XKR6: variants seen among roughly 807,000 people sequenced by gnomAD.
XKR6 encodes XK related 6.
Under a neutral mutation model 56.7 loss-of-function variants are expected in XKR6, and 22 were observed. The ratio of observed to expected loss-of-function variants is 0.39; its 90% CI spans 0.28 to 0.55. XKR6 has a LOEUF of 0.55. Among genes scored for constraint, XKR6 ranks in the 20% least tolerant of loss-of-function variants. XKR6 has a pLI of 0.66. For missense variants in XKR6, 852 were observed against 889.0 expected (o/e 0.96, Z 0.53); for synonymous variants, 524 against 387.8 (o/e 1.35, Z -4.13).
Position 11,003,992 on chromosome 8 carries a change from G to A in XKR6, c.765-79162C>T, listed in dbSNP as rs376252568. Among the ~76,000 whole-genome samples the A allele has an allele frequency of 3.0e-4, 45 of 152,266 alleles. No homozygotes were observed. The East Asian group carries it at 8.1e-3, about 27-fold the overall frequency. On this transcript the variant is annotated intron_variant, in intron 1 of 2. Transcript: ENST00000416569. ...AAGCAGAGAGTGGCGAAGGAAGGGC[G>A]GGTGGCTGTGGAGTAGTGGGTCCTG...
intron 1 of XKR6, among the ~76,000 whole-genome samples, chr8:11,130,323 G>C (rs908379089): frequency 1.3e-5 from 2 of 152,016 alleles, no homozygotes; most frequent in Non-Finnish European, 2.9e-5. Context: ...ATCTAAGTTC[G>C]GGATTTTTAC....
intron 1 of XKR6, among the ~76,000 whole-genome samples, chr8:10,927,255 C>T (rs953490362): frequency 2.0e-5 from 3 of 152,112 alleles, no homozygotes; most frequent in Admixed American, 6.5e-5. Flanking sequence ...AGCACCGAGG[C>T]AGGGCTGCGT....
chr8:10,995,801 G>T (rs1586407814), intron 1 of XKR6, among the ~76,000 whole-genome samples: 2 of 152,126 alleles, frequency 1.3e-5, no homozygotes, highest in South Asian at 2.1e-4. Context: ...AGTAAATGGA[G>T]GAAAAGGAGA....
intron 1 of XKR6, among the ~76,000 whole-genome samples, chr8:11,076,382 T>A (rs180891508): frequency 6.6e-6 from 1 of 152,300 alleles, no homozygotes; most frequent in East Asian, 1.9e-4. Flanking sequence ...TTTTATATTA[T>A]GCATATTTTA....
intron 1 of XKR6, among the ~76,000 whole-genome samples, chr8:11,006,184 G>C (rs995242244): frequency 6.6e-6 from 1 of 152,272 alleles, no homozygotes; most frequent in African/African-American, 2.4e-5. Flanking sequence ...AAAAATAAGA[G>C]ATTAATTGGT....
chr8:11,123,008 G>A (rs1300080557), intron 1 of XKR6, among the ~76,000 whole-genome samples: 4 of 151,980 alleles, frequency 2.6e-5, no homozygotes, highest in African/African-American at 9.7e-5. Flanking sequence ...AGGCCGAGGT[G>A]GGTGGATCAC....
intron 1 of XKR6, among the ~76,000 whole-genome samples, chr8:10,996,071 T>C (rs867294658): frequency 6.6e-6 from 1 of 150,678 alleles, no homozygotes; most frequent in Admixed American, 6.6e-5. Flanking sequence ...CAGATTCATA[T>C]AGATATAAAT....
At chr8:11,099,969 G>C (rs969675751) in intron 1 of XKR6, among the ~76,000 whole-genome samples, 1 of 152,172 alleles carries the variant, frequency 6.6e-6, no homozygotes, top group African/African-American at 2.4e-5. Flanking sequence ...CCTGAGGCAC[G>C]GGGGAGTAGG....
intron 1 of XKR6, among the ~76,000 whole-genome samples, chr8:11,004,402 G>A (rs1449522383): frequency 6.6e-6 from 1 of 152,168 alleles, no homozygotes; most frequent in Non-Finnish European, 1.5e-5. Context: ...AACCCAGGAG[G>A]CGGAGGTTGC....
rs781375847 is a variant in XKR6 at position 11,114,727 on chromosome 8, A to ATATGTG, written c.764+85848_764+85849insCACATA. ...ATGAAGTCAGCTACTTAGATCACAT[A>ATATGTG]TGTGTGTGTGTGTGTGTGTGTGTGT... is the stretch of plus-strand genomic sequence containing the variant. On this transcript the variant is annotated intron_variant, in intron 1 of 2. Coordinates refer to ENST00000416569, the MANE Select transcript of XKR6 (RefSeq NM_173683.4). Among the ~76,000 whole-genome samples the ATATGTG allele has an allele frequency of 1.5e-4, 18 of 118,364 alleles. 1 individual carries two copies. Among genetic ancestry groups the ATATGTG allele is most frequent in the Non-Finnish European group, 2.7e-4 (13 of 48,092 alleles). The allele number at this position is 118,364 out of a possible 152,430, so 77.7% of individuals were successfully genotyped here.
At chr8:11,065,978 A>G (rs1178271160) in intron 1 of XKR6, among the ~76,000 whole-genome samples, 1 of 152,216 alleles carries the variant, frequency 6.6e-6, no homozygotes, top group East Asian at 1.9e-4. Flanking sequence ...CCAGCTATAA[A>G]ATGGCAAAGG....
At chr8:11,096,706 G>C (rs1322938940) in intron 1 of XKR6, among the ~76,000 whole-genome samples, 3 of 152,210 alleles carry the variant, frequency 2.0e-5, no homozygotes, top group African/African-American at 7.2e-5. Context: ...ATCAACCCAG[G>C]ACAGGCAGGC....
chr8:10,922,508 A>T (rs1041568226), intron 2 of XKR6, among the ~76,000 whole-genome samples: 4 of 152,232 alleles, frequency 2.6e-5, no homozygotes, highest in Non-Finnish European at 4.4e-5. Flanking sequence ...GCGCATTTCA[A>T]AGACATCCCT....
At chr8:11,039,564 G>T (rs893497215) in intron 1 of XKR6, among the ~76,000 whole-genome samples, 1 of 152,198 alleles carries the variant, frequency 6.6e-6, no homozygotes, top group Admixed American at 6.5e-5. Context: ...AAAGAACTTG[G>T]AACAGAGACA....
chr8:10,975,501 C>T lies in XKR6; in HGVS notation c.765-50671G>A, dbSNP rs114208639. On this transcript the variant is annotated intron_variant, in intron 1 of 2. Coordinates refer to ENST00000416569, the MANE Select transcript of XKR6 (RefSeq NM_173683.4). ...TTGCCCACTGCGAGAGTTTCCATGC[C>T]CTCGCCCACCACCTGCCCTGGGCAC... 2.4e-3 allele frequency among the ~76,000 whole-genome samples: 365 copies of T among 152,352 alleles called. 3 individuals are homozygous for T. The highest frequency in any genetic ancestry group is 7.9e-3 in the African/African-American group (328 of 41,580).
At chr8:11,185,388 A>G (rs1339866554) in intron 1 of XKR6, among the ~76,000 whole-genome samples, 1 of 152,212 alleles carries the variant, frequency 6.6e-6, no homozygotes, top group East Asian at 1.9e-4. Context: ...GTTTGTATCA[A>G]TTAGCCTATG....
At chr8:11,067,150 G>C (rs1234647038) in intron 1 of XKR6, 4 of 152,412 alleles carry the variant, frequency 2.6e-5, no homozygotes, top group African/African-American at 9.6e-5. Flanking sequence ...GGCTGGTGGG[G>C]AGGGGAGAAT....
At chr8:11,035,188 C>T (rs764028359) in intron 1 of XKR6, 1 of 534,734 alleles carries the variant, frequency 1.9e-6, no homozygotes, top group East Asian at 5.4e-5. Context: ...AGCGTGGGTG[C>T]AAGCTATCTG....
chr8:11,148,203 C>T (rs932328928), intron 1 of XKR6, among the ~76,000 whole-genome samples: 4 of 152,100 alleles, frequency 2.6e-5, no homozygotes, highest in African/African-American at 9.7e-5. Flanking sequence ...GAGCAAGACC[C>T]TGTCTCAAAA....
Sources: allele counts gnomAD v4.1 joint callset (sites outside exome capture counted in the v4.1 genomes callset), GRCh38; gene constraint gnomAD v4.1.1; transcripts MANE v1.5; gene names NCBI Gene and HGNC (gene_info 2026-07-23, HGNC 2026-07-21).